The following BASP1 variants were observed in gnomAD, a reference collection of about 807,000 sequenced individuals.
BASP1 encodes the protein brain acid soluble protein 1.
In BASP1, 1 loss-of-function variant was observed where a neutral mutation model predicts 2.2. The ratio of observed to expected loss-of-function variants is 0.46; its 90% CI spans 0.16 to 2.17. The LOEUF is 2.17. Among genes scored for constraint, BASP1 ranks in the 30% most tolerant of loss-of-function variants. BASP1 has a pLI of 0.27. For missense variants in BASP1, 352 were observed against 327.2 expected (o/e 1.08, Z -0.58); for synonymous variants, 187 against 154.2 (o/e 1.21, Z -1.58).
chr5:17,272,826 C>T (rs1168902981), intron 1 of BASP1, among the ~76,000 whole-genome samples: 1 of 152,162 alleles, frequency 6.6e-6, no homozygotes, highest in African/African-American at 2.4e-5. Context: ...AGAATGTGGC[C>T]TTAACTATGT....
intron 1 of BASP1, among the ~76,000 whole-genome samples, chr5:17,219,851 G>A (rs909672508): frequency 6.6e-6 from 1 of 152,152 alleles, no homozygotes; most frequent in African/African-American, 2.4e-5. Context: ...TCTGATGGGG[G>A]CAGAAAGAAG....
chr5:17,261,803 A>T (rs1310145110), intron 1 of BASP1, among the ~76,000 whole-genome samples: 7 of 152,198 alleles, frequency 4.6e-5, no homozygotes, highest in Admixed American at 4.6e-4. Context: ...CTTGTAAACA[A>T]ATAAAAGTCT....
chr5:17,232,106 T>C (rs1051390955), intron 1 of BASP1, among the ~76,000 whole-genome samples: 1 of 152,270 alleles, frequency 6.6e-6, no homozygotes, highest in Admixed American at 6.5e-5. Flanking sequence ...TAATGAGTAC[T>C]GATGGCTCAT....
At chr5:17,231,309 G>A (rs1461608881) in intron 1 of BASP1, among the ~76,000 whole-genome samples, 3 of 152,014 alleles carry the variant, frequency 2.0e-5, no homozygotes, top group Admixed American at 6.6e-5. Flanking sequence ...CCTCCTTCCT[G>A]GGTAGTGAAA....
rs765718907 is a variant in BASP1 at position 17,275,172 on chromosome 5, A to G, written c.-9-36A>G. The G allele has an allele frequency of 6.2e-7, 1 of 1,604,238 alleles. No individual in the cohort carries two copies. The highest frequency in any genetic ancestry group is 1.1e-5 in the South Asian group (1 of 90,118). On this transcript the variant is annotated intron_variant, in intron 1 of 1. Coordinates refer to ENST00000322611, the MANE Select transcript of BASP1 (RefSeq NM_006317.5). The surrounding 1 kb of genome is among the most constrained non-coding windows in gnomAD (Gnocchi z 5.3). ...TTTGTGGTCCCCACACTTGCCTAGTAACCGCCGTTTTGTTTTGTTTTGTGT... is the reference window on the plus strand; with the variant it reads ...TTTGTGGTCCCCACACTTGCCTAGTGACCGCCGTTTTGTTTTGTTTTGTGT...
At chr5:17,226,897 G>A (rs1739518526) in intron 1 of BASP1, among the ~76,000 whole-genome samples, 1 of 151,604 alleles carries the variant, frequency 6.6e-6, no homozygotes, top group Admixed American at 6.6e-5. Flanking sequence ...ATTAGATAAA[G>A]TGTCCTGGAA....
At chr5:17,274,244 C>CT (rs1456780850) in intron 1 of BASP1, among the ~76,000 whole-genome samples, 2 of 152,212 alleles carry the variant, frequency 1.3e-5, no homozygotes, top group South Asian at 4.2e-4. Flanking sequence ...TATAGAACTA[C>CT]TTTTTTTAAG....
At chr5:17,224,654 TG>T (rs1423862772) in intron 1 of BASP1, among the ~76,000 whole-genome samples, 7 of 152,232 alleles carry the variant, frequency 4.6e-5, no homozygotes, top group African/African-American at 1.7e-4. Context: ...CTTGTCATAG[TG>T]AATGGAGACT....
intron 1 of BASP1, among the ~76,000 whole-genome samples, chr5:17,228,724 T>C (rs1224595476): frequency 6.6e-6 from 1 of 152,232 alleles, no homozygotes; most frequent in African/African-American, 2.4e-5. Context: ...GGGACACACG[T>C]ACAAACACTA....
chr5:17,275,529 G>C lies in BASP1; in HGVS notation c.313G>C (p.Glu105Gln). Residue 105 changes from glutamate (E) to glutamine (Q), a missense_variant, in exon 2 of 2, where the codon GAG (glutamate) becomes CAG (glutamine). Transcript: ENST00000322611. The surrounding 1 kb of genome is among the most constrained non-coding windows in gnomAD (Gnocchi z 5.3). ...CAAGGCTGAGCCCCCGAAGGCGCCC[G>C]AGCAGGAGCAGGCGGCCCCCGGCCC... ...EAKAEPPKAP[E>Q]QEQAAPGPAA... The C allele has an allele frequency of 7.0e-7, 1 of 1,427,020 alleles. No homozygotes were observed. Among genetic ancestry groups the C allele is most frequent in the South Asian group, 1.5e-5 (1 of 65,706 alleles). The allele number at this position is 1,427,020 out of a possible 1,614,324, so 88.4% of individuals were successfully genotyped here. A position where few individuals can be genotyped will look rare whatever the true frequency, so the allele number is the denominator to read the frequency against.
chr5:17,248,394 T>C (rs922548268), intron 1 of BASP1, among the ~76,000 whole-genome samples: 1 of 152,196 alleles, frequency 6.6e-6, no homozygotes, highest in Non-Finnish European at 1.5e-5. Context: ...ATAAGACTTT[T>C]ATAATTAAAA....
intron 1 of BASP1, among the ~76,000 whole-genome samples, chr5:17,257,445 T>C (rs2126511914): frequency 6.6e-6 from 1 of 152,352 alleles, no homozygotes; most frequent in East Asian, 1.9e-4. Context: ...TTCTCTATTC[T>C]ACATGAATGG....
chr5:17,245,942 A>C (rs776814473), intron 1 of BASP1, among the ~76,000 whole-genome samples: 14 of 152,190 alleles, frequency 9.2e-5, no homozygotes, highest in Non-Finnish European at 2.9e-5. Context: ...ATTACTACTA[A>C]TAAGTCGAAT....
At chr5:17,229,426 T>G (rs1739576737) in intron 1 of BASP1, among the ~76,000 whole-genome samples, 1 of 152,208 alleles carries the variant, frequency 6.6e-6, no homozygotes, top group African/African-American at 2.4e-5. Flanking sequence ...TGGTTTCTGC[T>G]CCAAGAAGTG....
At chr5:17,219,245 GC>G (rs1457876046) in intron 1 of BASP1, among the ~76,000 whole-genome samples, 7 of 152,250 alleles carry the variant, frequency 4.6e-5, no homozygotes, top group African/African-American at 1.7e-4. Context: ...GGAGGGCCCG[GC>G]AGCCCCATCC....
intron 1 of BASP1, among the ~76,000 whole-genome samples, chr5:17,243,294 G>A (rs563046892): frequency 6.9e-4 from 105 of 152,128 alleles, no homozygotes; most frequent in African/African-American, 2.0e-3. Flanking sequence ...GACTATGGGC[G>A]TGGTGCGTAC....
intron 1 of BASP1, among the ~76,000 whole-genome samples, chr5:17,265,935 A>G (rs1309213800): frequency 6.6e-6 from 1 of 152,196 alleles, no homozygotes. Context: ...GGATTTGAGA[A>G]CCCTTAGTCA....
At chr5:17,227,035 TC>T (rs1444220560) in intron 1 of BASP1, among the ~76,000 whole-genome samples, 1 of 150,834 alleles carries the variant, frequency 6.6e-6, no homozygotes, top group Non-Finnish European at 1.5e-5. Context: ...TTCAAGCGAT[TC>T]TCCTGCCTCA....
chr5:17,246,007 A>G (rs1739978886), intron 1 of BASP1, among the ~76,000 whole-genome samples: 1 of 152,204 alleles, frequency 6.6e-6, no homozygotes, highest in Non-Finnish European at 1.5e-5. Context: ...GGAAAAAGAA[A>G]AAAACACCAC....
Sources: gnomAD v4.1 joint callset for allele counts (sites outside exome capture counted in the v4.1 genomes callset) on GRCh38, gnomAD v4.1.1 for gene constraint, Gnocchi (gnomAD v3.1) non-coding constraint, MANE v1.5 for transcripts, NCBI Gene and HGNC (gene_info 2026-07-23, HGNC 2026-07-21) for gene names.